The following CACNA1C variants were observed in gnomAD, a reference collection of about 807,000 sequenced individuals.
The protein encoded by CACNA1C is calcium voltage-gated channel subunit alpha1 C, also known as voltage-dependent L-type calcium channel subunit alpha-1C.
A neutral mutation model predicts 229.0 loss-of-function variants in CACNA1C; 30 were observed. The observed-to-expected ratio is 0.13, with a 90% CI of 0.10 to 0.18. CACNA1C has a LOEUF of 0.18. Among genes scored for constraint, CACNA1C ranks in the 10% least tolerant of loss-of-function variants. The pLI, the probability that CACNA1C is intolerant of heterozygous loss-of-function variation, is 1.00. For missense variants in CACNA1C, 1,658 were observed against 2,845.0 expected, an observed-to-expected ratio of 0.58 and a Z score of 9.49; for synonymous variants, 1,114 against 1,132.5, an observed-to-expected ratio of 0.98 and a Z score of 0.33.
At chr12:2,448,852 C>A (rs1027302461) in intron 3 of CACNA1C, 124 bp from the exon 4 acceptor site, 4 of 754,914 alleles carry the variant, frequency 5.3e-6, no homozygotes, top group Non-Finnish European at 8.3e-6. Flanking sequence ...GGTGTCCCCA[C>A]TTGGTTCCAC....
intron 3 of CACNA1C, among the ~76,000 whole-genome samples, chr12:2,230,159 C>CGACCT (rs1176971850): frequency 8.0e-4 from 121 of 152,078 alleles, no homozygotes; most frequent in Non-Finnish European, 1.6e-3. Flanking sequence ...CCCGGGGCTG[C>CGACCT]GACCTGGAGC....
At chr12:2,617,822 T>C (rs1389321483) in intron 29 of CACNA1C, among the ~76,000 whole-genome samples, 1 of 152,060 alleles carries the variant, frequency 6.6e-6, no homozygotes, top group Non-Finnish European at 1.5e-5. Flanking sequence ...AGAGGGAAAG[T>C]TGGAATGAGG....
chr12:2,114,424 C>T (rs2083011346), intron 1 of CACNA1C, among the ~76,000 whole-genome samples: 1 of 152,126 alleles, frequency 6.6e-6, no homozygotes, highest in African/African-American at 2.4e-5. Flanking sequence ...GTCACTTTTG[C>T]TGTACTTTAT....
At chr12:2,143,506 A>G (rs2154196348) in intron 3 of CACNA1C, among the ~76,000 whole-genome samples, 1 of 151,054 alleles carries the variant, frequency 6.6e-6, no homozygotes, top group South Asian at 2.1e-4. Context: ...ACATGTTTAG[A>G]TACACAAATA....
At chr12:1,987,795 C>A (rs1406121658) in intron 1 of CACNA1C, among the ~76,000 whole-genome samples, 3 of 152,148 alleles carry the variant, frequency 2.0e-5, no homozygotes, top group Non-Finnish European at 4.4e-5. Context: ...TTATGATTTG[C>A]AGAGCTACAT....
Position 2,520,930 on chromosome 12 carries a change from T to C in CACNA1C, c.1390+7946T>C, listed in dbSNP as rs140339316. 6.2e-3 allele frequency among the ~76,000 whole-genome samples: 943 copies of C among 152,364 alleles called. 6 individuals are homozygous for C. Among genetic ancestry groups the C allele is most frequent in the African/African-American group, 0.019 (809 of 41,574 alleles). ...ATAACATTTTGACAGGAGACATTCA[T>C]AGCTTCCTGGGCCTGGCATTAGATC... is the stretch of plus-strand genomic sequence containing the variant. On this transcript the variant is annotated intron_variant, in intron 9 of 46. Transcript: ENST00000399655.
chr12:2,464,452 T>A (rs1328642824), intron 5 of CACNA1C, among the ~76,000 whole-genome samples: 4 of 152,212 alleles, frequency 2.6e-5, no homozygotes, highest in Non-Finnish European at 5.9e-5. Context: ...GAAACTGACA[T>A]ATTTTGGAGT....
intron 1 of CACNA1C, among the ~76,000 whole-genome samples, chr12:2,044,520 A>G (rs942556794): frequency 6.6e-6 from 1 of 152,214 alleles, no homozygotes; most frequent in Non-Finnish European, 1.5e-5. Flanking sequence ...TCAACAACTT[A>G]GAGTGAACTA....
At chr12:2,172,662 A>C (rs2096531372) in intron 3 of CACNA1C, among the ~76,000 whole-genome samples, 1 of 152,224 alleles carries the variant, frequency 6.6e-6, no homozygotes, top group South Asian at 2.1e-4. Context: ...TGACTTCATA[A>C]AGATAGCTAG....
At chr12:2,473,395 G>A (rs2099603360) in intron 5 of CACNA1C, among the ~76,000 whole-genome samples, 1 of 152,116 alleles carries the variant, frequency 6.6e-6, no homozygotes, top group Non-Finnish European at 1.5e-5. Flanking sequence ...CTGCAGTGTT[G>A]TGCTTGAACT....
chr12:2,602,002 G>T lies in CACNA1C; in HGVS notation c.2960+42G>T, dbSNP rs771077743. The T allele has an allele frequency of 2.3e-6, 3 of 1,324,580 alleles. No homozygotes were observed. The highest frequency in any genetic ancestry group is 1.7e-5 in the Admixed American group (1 of 59,564). The allele number at this position is 1,324,580 out of a possible 1,614,324, so 82.1% of individuals were successfully genotyped here. A position where few individuals can be genotyped will look rare whatever the true frequency, so the allele number is the denominator to read the frequency against. On this transcript the variant is annotated intron_variant, in intron 22 of 46. Transcript: ENST00000399655. This position sits in a 1 kb window ranked among gnomAD's most constrained non-coding sequence, Gnocchi z 4.4. ...CAGCCCACGATGGGCCATGCAGCTA[G>T]CAAGGGGTGCCAGAGAGGACAACCA... is the stretch of plus-strand genomic sequence containing the variant.
chr12:2,167,757 C>A (rs2096297007), intron 3 of CACNA1C, among the ~76,000 whole-genome samples: 1 of 152,114 alleles, frequency 6.6e-6, no homozygotes, highest in Non-Finnish European at 1.5e-5. Flanking sequence ...TTGCTCCTTC[C>A]ATTTTCCAGC....
At chr12:2,375,085 T>C (rs73607722) in intron 3 of CACNA1C, among the ~76,000 whole-genome samples, 1,963 of 152,294 alleles carry the variant, frequency 0.013, 45 homozygotes, top group African/African-American at 0.042. Context: ...ACAGGATTAG[T>C]GATTCTTTCA....
intron 3 of CACNA1C, among the ~76,000 whole-genome samples, chr12:2,171,214 G>A (rs1304633319): frequency 6.6e-6 from 1 of 152,192 alleles, no homozygotes; most frequent in Admixed American, 6.5e-5. Flanking sequence ...TAGCTGTTTG[G>A]CCAGAGTGAG....
chr12:2,209,364 A>G (rs373507346), intron 3 of CACNA1C, among the ~76,000 whole-genome samples: 1 of 152,194 alleles, frequency 6.6e-6, no homozygotes, highest in African/African-American at 2.4e-5. Flanking sequence ...CGACGGTTGT[A>G]ATAGTAAGAA....
At chr12:2,306,136 G>A (rs943981790) in intron 3 of CACNA1C, among the ~76,000 whole-genome samples, 1 of 152,218 alleles carries the variant, frequency 6.6e-6, no homozygotes, top group African/African-American at 2.4e-5. Flanking sequence ...CCTCTGAGGG[G>A]AGCCCTGCTG....
chr12:2,680,345 C>G, intron 42 of CACNA1C: 3 of 1,519,644 alleles, frequency 2.0e-6, no homozygotes, highest in South Asian at 1.2e-5. Flanking sequence ...TCCTTGTCCT[C>G]TCATCCCTGT....
intron 1 of CACNA1C, among the ~76,000 whole-genome samples, chr12:2,107,998 A>G (rs1306979016): frequency 3.3e-5 from 5 of 152,218 alleles, no homozygotes; most frequent in Non-Finnish European, 5.9e-5. Flanking sequence ...AAAATGCAAA[A>G]TGCATTTTGT....
At chr12:2,252,777 C>T (rs559426086) in intron 3 of CACNA1C, among the ~76,000 whole-genome samples, 1 of 152,172 alleles carries the variant, frequency 6.6e-6, no homozygotes, top group South Asian at 2.1e-4. Context: ...AGCTCTTACT[C>T]TTCCCCAGTT....
Sources: allele counts gnomAD v4.1 joint callset (sites outside exome capture counted in the v4.1 genomes callset), GRCh38; gene constraint gnomAD v4.1.1; non-coding constraint Gnocchi (gnomAD v3.1); transcripts MANE v1.5; gene names NCBI Gene and HGNC (gene_info 2026-07-23, HGNC 2026-07-21).